The following NAALADL2 variants were observed in gnomAD, a reference collection of about 807,000 sequenced individuals.
NAALADL2 encodes inactive N-acetylated-alpha-linked acidic dipeptidase-like protein 2.
Under a neutral mutation model 87.2 loss-of-function variants are expected in NAALADL2, and 76 were observed. The observed-to-expected ratio is 0.87, with a 90% CI of 0.72 to 1.05. NAALADL2 has a LOEUF of 1.05. Among genes scored for constraint, NAALADL2 ranks in the 50% least tolerant of loss-of-function variants. The probability of loss-of-function intolerance (pLI) is 0.00; values close to 1 mark genes in which losing one functional copy is unlikely to be tolerated. For synonymous variants in NAALADL2, 354 were observed against 331.0 expected, an observed-to-expected ratio of 1.07 and a Z score of -0.75; for missense variants, 1,089 against 945.8, an observed-to-expected ratio of 1.15 and a Z score of -1.99.
At chr3:174,626,273 A>G (rs974738403) in intron 2 of NAALADL2, among the ~76,000 whole-genome samples, 2 of 152,048 alleles carry the variant, frequency 1.3e-5, no homozygotes, top group East Asian at 1.9e-4. Flanking sequence ...CCAATTGTGC[A>G]TGATTTTTTT....
chr3:175,482,489 AC>A (rs1726624662), intron 9 of NAALADL2, among the ~76,000 whole-genome samples: 1 of 151,964 alleles, frequency 6.6e-6, no homozygotes, highest in Non-Finnish European at 1.5e-5. Flanking sequence ...TTACAATATA[AC>A]TTCCAGCTCC....
intron 1 of NAALADL2, among the ~76,000 whole-genome samples, chr3:174,907,524 C>T (rs1324242477): frequency 6.6e-6 from 1 of 152,014 alleles, no homozygotes; most frequent in Non-Finnish European, 1.5e-5. Context: ...TCTCATGGCT[C>T]TGTATACTAT....
In NAALADL2 at chr3:175,097,042, G is replaced by T. The variant is rs1457448528; in HGVS notation, c.296G>T (p.Arg99Ile). The T allele has an allele frequency of 6.2e-7, 1 of 1,613,646 alleles. No homozygotes were observed. The highest frequency in any genetic ancestry group is 1.6e-4 in the Middle Eastern group (1 of 6,062). ...PATSPKGRFQ[R>I]LQEESDYITH... The stretch of plus-strand genomic sequence containing the variant: ...ACTTCACCCAAAGGAAGGTTCCAGA[G>T]ACTTCAAGAAGAATCTGACTACATT... The change falls in exon 2 of 14, where the codon AGA (arginine) becomes ATA (isoleucine). Residue 99 changes from arginine to isoleucine, a missense_variant. Physicochemically the swap from Arg to Ile is moderately conservative, Grantham distance 97. Transcript: ENST00000454872.
At chr3:174,946,860 T>C (rs1474422680) in intron 1 of NAALADL2, among the ~76,000 whole-genome samples, 1 of 152,222 alleles carries the variant, frequency 6.6e-6, no homozygotes. Flanking sequence ...TCATTTATAT[T>C]GAACATATGA....
chr3:175,063,136 G>A (rs897809906), intron 1 of NAALADL2, among the ~76,000 whole-genome samples: 5 of 152,150 alleles, frequency 3.3e-5, no homozygotes, highest in Non-Finnish European at 4.4e-5. Flanking sequence ...AAAAGTTCAG[G>A]AAAAGGAGAC....
At chr3:174,821,471 A>G (rs894474300) in intron 3 of NAALADL2, among the ~76,000 whole-genome samples, 4 of 152,154 alleles carry the variant, frequency 2.6e-5, no homozygotes, top group African/African-American at 9.7e-5. Flanking sequence ...AGACTAGAGG[A>G]GTTTTATTAT....
At chr3:175,527,834 A>C (rs936539334) in intron 9 of NAALADL2, among the ~76,000 whole-genome samples, 4 of 152,194 alleles carry the variant, frequency 2.6e-5, no homozygotes, top group African/African-American at 9.7e-5. Flanking sequence ...ACACATTGCC[A>C]TACATTTGAA....
chr3:174,541,809 A>G (rs1212314409), intron 1 of NAALADL2, among the ~76,000 whole-genome samples: 1 of 152,200 alleles, frequency 6.6e-6, no homozygotes, highest in East Asian at 1.9e-4. Flanking sequence ...CTGATGATGC[A>G]GGGCAGATGA....
intron 5 of NAALADL2, among the ~76,000 whole-genome samples, chr3:175,348,297 C>T (rs1027533528): frequency 1.6e-4 from 24 of 152,006 alleles, no homozygotes; most frequent in African/African-American, 3.1e-4. Context: ...GTGATCTGCC[C>T]GCCTCGGCCT....
At chr3:175,704,212 A>T (rs1200272537) in intron 11 of NAALADL2, among the ~76,000 whole-genome samples, 3 of 152,166 alleles carry the variant, frequency 2.0e-5, no homozygotes, top group African/African-American at 7.2e-5. Context: ...CACTAAATAA[A>T]TACTGCATAA....
At chr3:175,136,299 G>A (rs759734604) in intron 2 of NAALADL2, among the ~76,000 whole-genome samples, 1 of 152,176 alleles carries the variant, frequency 6.6e-6, no homozygotes, top group Non-Finnish European at 1.5e-5. Flanking sequence ...GAGGCAGGAA[G>A]CTCTAAAGCA....
At chr3:174,471,380 T>G (rs1716893227) in intron 1 of NAALADL2, among the ~76,000 whole-genome samples, 1 of 152,138 alleles carries the variant, frequency 6.6e-6, no homozygotes, top group Non-Finnish European at 1.5e-5. Flanking sequence ...ATAACAATGT[T>G]ATAAACAGTT....
At chr3:175,289,597 C>A (rs372818998) in intron 4 of NAALADL2, among the ~76,000 whole-genome samples, 2 of 56,040 alleles carry the variant, frequency 3.6e-5, no homozygotes, top group Non-Finnish European at 7.9e-5. Flanking sequence ...TAGCCTCCCT[C>A]CCCCCAAAAA....
chr3:175,105,585 T>C (rs1039982625), intron 2 of NAALADL2, among the ~76,000 whole-genome samples: 5 of 136,708 alleles, frequency 3.7e-5, no homozygotes, highest in East Asian at 2.1e-4. Flanking sequence ...CACACACACA[T>C]ACACAAATCC....
At chr3:174,450,869 C>CAAAAAAAAAAAAA (rs761513802) in intron 1 of NAALADL2, among the ~76,000 whole-genome samples, 20 of 74,858 alleles carry the variant, frequency 2.7e-4, no homozygotes, top group Admixed American at 4.1e-4. Flanking sequence ...GACTCTGTCT[C>CAAAAAAAAAAAAA]AAAAAAAAAA....
intron 5 of NAALADL2, among the ~76,000 whole-genome samples, chr3:175,443,764 C>G (rs895848515): frequency 1.3e-5 from 2 of 152,120 alleles, no homozygotes; most frequent in African/African-American, 4.8e-5. Flanking sequence ...ATATAAGTGA[C>G]TTGGTCCTTG....
intron 2 of NAALADL2, among the ~76,000 whole-genome samples, chr3:174,675,208 A>G (rs1328393603): frequency 2.0e-5 from 3 of 152,018 alleles, no homozygotes; most frequent in East Asian, 3.9e-4. Flanking sequence ...AAATTTACCA[A>G]TTTAGTGAGG....
intron 11 of NAALADL2, among the ~76,000 whole-genome samples, chr3:175,632,961 G>T (rs939141861): frequency 3.9e-5 from 6 of 152,066 alleles, no homozygotes; most frequent in Non-Finnish European, 8.8e-5. Context: ...GTATGATAGT[G>T]GCTACTGCAT....
At chr3:175,772,784 C>T (rs990750304) in intron 13 of NAALADL2, among the ~76,000 whole-genome samples, 7 of 152,142 alleles carry the variant, frequency 4.6e-5, no homozygotes, top group Non-Finnish European at 8.8e-5. Flanking sequence ...CATTCTCCAA[C>T]CCTAGGAATA....
Sources: allele counts gnomAD v4.1 joint callset (sites outside exome capture counted in the v4.1 genomes callset), GRCh38; gene constraint gnomAD v4.1.1; transcripts MANE v1.5; gene names NCBI Gene and HGNC (gene_info 2026-07-23, HGNC 2026-07-21).